The following NHERF4 variants were observed in gnomAD, a reference collection of about 807,000 sequenced individuals.
NHERF4 encodes the protein NHERF family PDZ scaffold protein 4, also known as Na(+)/H(+) exchange regulatory cofactor NHE-RF4.
the NHERF4 span, chr11:119,188,919 C>G: frequency 4.3e-6 from 7 of 1,610,412 alleles, no homozygotes; most frequent in Non-Finnish European, 5.9e-6. Context: ...GCTGCCTGAT[C>G]GGTCTTCCTC....
the NHERF4 span, chr11:119,187,365 TGCCCACCTCTG>T: frequency 6.2e-7 from 1 of 1,613,860 alleles, no homozygotes; most frequent in Non-Finnish European, 8.5e-7. Context: ...TGGGAGAAGA[TGCCCACCTCTG>T]TCCCACCCTA....
the NHERF4 span, chr11:119,185,556 A>G: frequency 6.3e-7 from 1 of 1,584,054 alleles, no homozygotes; most frequent in Non-Finnish European, 8.7e-7. Context: ...TGGGACAGGC[A>G]GGGGGCCGAC....
chr11:119,187,602 G>T, the NHERF4 span: 1 of 1,585,806 alleles, frequency 6.3e-7, no homozygotes, highest in Non-Finnish European at 8.6e-7. Context: ...AAGTACTGGA[G>T]GAGCAGCTGA....
At chr11:119,189,259 G>A in the NHERF4 span, 1 of 1,560,980 alleles carries the variant, frequency 6.4e-7, no homozygotes, top group Admixed American at 1.9e-5. The surrounding 1 kb of genome is among the most constrained non-coding windows in gnomAD (Gnocchi z 5.8). Flanking sequence ...GCAGGGAGGA[G>A]TGAGAAAGAA....
the NHERF4 span, chr11:119,188,290 C>G: frequency 1.9e-6 from 3 of 1,600,392 alleles, no homozygotes; most frequent in Middle Eastern, 1.7e-4. Context: ...TGGGGTCAGT[C>G]CCCTGGTGTG....
chr11:119,188,071 C>T, the NHERF4 span: 1 of 1,551,790 alleles, frequency 6.4e-7, no homozygotes. Context: ...AGCCCCGCTG[C>T]CTGCACCTGG....
the NHERF4 span, chr11:119,188,576 G>T: frequency 6.2e-7 from 1 of 1,605,260 alleles, no homozygotes; most frequent in East Asian, 2.2e-5. Context: ...GCAGGGGCTA[G>T]GGTTGGGGCA....
chr11:119,188,388 C>A, the NHERF4 span: 3 of 1,614,008 alleles, frequency 1.9e-6, no homozygotes, highest in South Asian at 2.2e-5. Flanking sequence ...CCGGGACTGC[C>A]AGCCAAGAAG....
At chr11:119,186,020 T>C in the NHERF4 span, 1 of 1,613,556 alleles carries the variant, frequency 6.2e-7, no homozygotes, top group Non-Finnish European at 8.5e-7. The surrounding 1 kb of genome is among the most constrained non-coding windows in gnomAD (Gnocchi z 4.4). Flanking sequence ...TCACTGCCAT[T>C]AGCACCTAAA....
chr11:119,187,674 T>C, the NHERF4 span: 24 of 1,529,934 alleles, frequency 1.6e-5, no homozygotes, highest in Admixed American at 3.3e-4. Flanking sequence ...TGTGGAGAAG[T>C]TCACTCACAA....
chr11:119,186,699 G>T, the NHERF4 span: 1 of 1,594,386 alleles, frequency 6.3e-7, no homozygotes, highest in Non-Finnish European at 8.6e-7. This position sits in a 1 kb window ranked among gnomAD's most constrained non-coding sequence, Gnocchi z 4.4. Flanking sequence ...TGGTAAGGCT[G>T]TGGTCCAGGA....
At chr11:119,186,216 G>A in the NHERF4 span, 3 of 1,614,052 alleles carry the variant, frequency 1.9e-6, no homozygotes, top group East Asian at 2.2e-5. This position sits in a 1 kb window ranked among gnomAD's most constrained non-coding sequence, Gnocchi z 4.4. Context: ...AGGCACCACG[G>A]CTCCACACGG....
At chr11:119,187,379 C>T in the NHERF4 span, 1 of 1,613,986 alleles carries the variant, frequency 6.2e-7, no homozygotes, top group Non-Finnish European at 8.5e-7. Context: ...CACCTCTGTC[C>T]CACCCTAGGC....
At chr11:119,187,204 C>A in the NHERF4 span, 2 of 1,303,912 alleles carry the variant, frequency 1.5e-6, no homozygotes, top group Non-Finnish European at 2.0e-6. Context: ...ATGTGGATTC[C>A]AGGGAGGTCC....
chr11:119,189,443 T>G, the NHERF4 span: 73 of 1,614,000 alleles, frequency 4.5e-5, no homozygotes, highest in East Asian at 1.6e-3. This position sits in a 1 kb window ranked among gnomAD's most constrained non-coding sequence, Gnocchi z 5.8. Context: ...AATGACCTTC[T>G]ACCTCCTCTC....
chr11:119,185,759 T>C, the NHERF4 span: 2 of 918,136 alleles, frequency 2.2e-6, no homozygotes, highest in Non-Finnish European at 3.5e-6. Context: ...ACAATAGTCC[T>C]GTGTGTATGG....
the NHERF4 span, chr11:119,186,528 G>A: frequency 7.4e-6 from 12 of 1,614,204 alleles, no homozygotes; most frequent in Non-Finnish European, 1.0e-5. The surrounding 1 kb of genome is among the most constrained non-coding windows in gnomAD (Gnocchi z 4.4). Flanking sequence ...GCAAAGAGGA[G>A]GGCAAGAGTT....
chr11:119,187,881 A>G, the NHERF4 span: 1 of 1,482,974 alleles, frequency 6.7e-7, no homozygotes. Context: ...CTGTGGGGGG[A>G]GCATACCTCT....
the NHERF4 span, chr11:119,187,172 A>T: frequency 1.0e-6 from 1 of 988,166 alleles, no homozygotes; most frequent in Non-Finnish European, 1.4e-6. Flanking sequence ...AAAGAAAAAA[A>T]GCCGATTCCC....
Sources: allele counts gnomAD v4.1 joint callset, GRCh38; gene constraint gnomAD v4.1.1; non-coding constraint Gnocchi (gnomAD v3.1); transcripts MANE v1.5; gene names NCBI Gene and HGNC (gene_info 2026-07-23, HGNC 2026-07-21).